Variants in ZNF618 observed in about 807,000 individuals in gnomAD.
ZNF618 encodes the protein neural precursor cell expressed, developmentally down-regulated 10.
Under a neutral mutation model 103.0 loss-of-function variants are expected in ZNF618, and 34 were observed. That is an observed-to-expected ratio of 0.33 (90% CI 0.25 to 0.44). The LOEUF is 0.44. Among genes scored for constraint, ZNF618 ranks in the 20% least tolerant of loss-of-function variants. The pLI, the probability that ZNF618 is intolerant of heterozygous loss-of-function variation, is 1.00. For synonymous variants in ZNF618, 551 were observed against 542.2 expected (o/e 1.02, Z -0.23); for missense variants, 1,059 against 1,295.4 (o/e 0.82, Z 2.80).
chr9:113,889,695 C>G (rs1829443776), intron 1 of ZNF618, among the ~76,000 whole-genome samples: 1 of 152,212 alleles, frequency 6.6e-6, no homozygotes, highest in African/African-American at 2.4e-5. Flanking sequence ...GTGTGCCCAT[C>G]AATCTGTCTG....
chr9:113,896,863 C>T (rs1327238943), intron 1 of ZNF618, among the ~76,000 whole-genome samples: 1 of 152,070 alleles, frequency 6.6e-6, no homozygotes, highest in African/African-American at 2.4e-5. Context: ...AAAATAGGCC[C>T]TCCTTGACCT....
intron 13 of ZNF618, among the ~76,000 whole-genome samples, chr9:114,044,350 G>T (rs997355006): frequency 2.0e-5 from 3 of 151,870 alleles, no homozygotes; most frequent in Non-Finnish European, 4.4e-5. Flanking sequence ...AGATCATTTG[G>T]CTGTATTTGG....
In ZNF618 at chr9:114,050,316, A is replaced by ATG. The variant is rs369672597; in HGVS notation, c.*160_*161dup. 7.6e-5 allele frequency: 70 copies of ATG among 919,140 alleles called. No individual in the cohort carries two copies. Among genetic ancestry groups the ATG allele is most frequent in the African/African-American group, 3.0e-4 (18 of 59,702 alleles). The allele number at this position is 919,140 out of a possible 1,614,324, so 56.9% of individuals were successfully genotyped here. A position where few individuals can be genotyped will look rare whatever the true frequency, so the allele number is the denominator to read the frequency against. ...CTGGAAACTTAAGTGCTTTTTTTAT[A>ATG]TGTGTGTGTGTGCGTGTATGTACAC... is the stretch of plus-strand genomic sequence containing the variant. On this transcript the variant is annotated 3_prime_UTR_variant, in exon 15 of 15. Transcript: ENST00000374126.
At chr9:113,904,337 A>G (rs1017762144) in intron 1 of ZNF618, among the ~76,000 whole-genome samples, 1 of 152,134 alleles carries the variant, frequency 6.6e-6, no homozygotes, top group Non-Finnish European at 1.5e-5. Flanking sequence ...CTTCCTGGAC[A>G]TATGGAGTAT....
rs1488977520 is a variant in ZNF618, at chr9:113,951,577, A to ACATGTGTG, written c.34-17540_34-17539insCATGTGTG. Among the ~76,000 whole-genome samples, 40 of 49,138 alleles carry ACATGTGTG rather than the reference A, an allele frequency of 8.1e-4. 2 individuals carry two copies. In the East Asian group the frequency reaches 0.026, roughly 32 times the overall value. The allele number at this position is 49,138 out of a possible 152,430, so 32.2% of individuals were successfully genotyped here. A position where few individuals can be genotyped will look rare whatever the true frequency, so the allele number is the denominator to read the frequency against. On this transcript the variant is annotated intron_variant, in intron 1 of 14. Coordinates refer to ENST00000374126, the MANE Select transcript of ZNF618 (RefSeq NM_001318042.2). ...TGTGTGTGTATATGTGTGTGTGTAT[A>ACATGTGTG]TGTGTGTGTGTGTGTGTGTGTATAT... is the stretch of plus-strand genomic sequence containing the variant.
chr9:114,006,864 G>A (rs1841798309), intron 6 of ZNF618, among the ~76,000 whole-genome samples: 1 of 152,170 alleles, frequency 6.6e-6, no homozygotes, highest in African/African-American at 2.4e-5. Context: ...CTCACTGGCT[G>A]TTCACCAGAG....
rs151125343 is a variant in ZNF618, at chr9:113,905,206, C to T, written c.33+28793C>T. Among the ~76,000 whole-genome samples, 15 of 152,260 alleles carry T rather than the reference C, an allele frequency of 9.9e-5. No homozygotes were observed. In the East Asian group the frequency reaches 2.7e-3, roughly 27 times the overall value. On this transcript the variant is annotated intron_variant, in intron 1 of 14. Coordinates refer to ENST00000374126, the MANE Select transcript of ZNF618 (RefSeq NM_001318042.2). The stretch of plus-strand genomic sequence containing the variant: ...GCCTCAGCCTCCTATTGGAGGCACA[C>T]GCCCTCACACCTGGCTAATTTTTTA...
At chr9:113,954,166 G>A (rs1836031889) in intron 1 of ZNF618, among the ~76,000 whole-genome samples, 1 of 152,148 alleles carries the variant, frequency 6.6e-6, no homozygotes, top group Non-Finnish European at 1.5e-5. Context: ...TGCCTCTGGA[G>A]TGTCCTTGAA....
chr9:113,951,515 G>GTGTGTGCACATATATGTGTATA (rs1564207712), intron 1 of ZNF618, among the ~76,000 whole-genome samples: 2 of 36,752 alleles, frequency 5.4e-5, no homozygotes, highest in African/African-American at 1.5e-4. Flanking sequence ...ATATATGTGT[G>GTGTGTGCACATATATGTGTATA]TATATGTACA....
intron 1 of ZNF618, among the ~76,000 whole-genome samples, chr9:113,916,695 G>A (rs960914657): frequency 2.0e-5 from 3 of 152,220 alleles, no homozygotes; most frequent in African/African-American, 7.2e-5. Context: ...CTCTCAGAAT[G>A]AGAACATGTC....
At chr9:113,990,885 C>T (rs148537579) in intron 3 of ZNF618, among the ~76,000 whole-genome samples, 1 of 152,276 alleles carries the variant, frequency 6.6e-6, no homozygotes, top group Non-Finnish European at 1.5e-5. Context: ...GACGTTTCTC[C>T]ATCAGTATTC....
rs1202109139 is a variant in ZNF618 at position 114,028,917 on chromosome 9, A to G, written c.1029A>G (p.Gln343=). ...TACACCGCACCCCTCCAGCCACCCAAACCCAGACGTTCCGCACTCCAAATT... is the reference window on the plus strand; with the variant it reads ...TACACCGCACCCCTCCAGCCACCCAGACCCAGACGTTCCGCACTCCAAATT... ...TLLHRTPPAT[Q]TQTFRTPNSG... is the part of the protein sequence containing the mutation. Residue 343 remains glutamine (Q), a synonymous_variant, in exon 11 of 15, where the codon CAA becomes CAG. Coordinates refer to ENST00000374126, the MANE Select transcript of ZNF618 (RefSeq NM_001318042.2). The G allele has an allele frequency of 1.3e-6, 2 of 1,550,494 alleles. No homozygotes were observed. Among genetic ancestry groups the G allele is most frequent in the Non-Finnish European group, 1.7e-6 (2 of 1,146,910 alleles).
At chr9:113,885,369 G>A (rs756728037) in intron 1 of ZNF618, among the ~76,000 whole-genome samples, 11 of 152,188 alleles carry the variant, frequency 7.2e-5, no homozygotes, top group Non-Finnish European at 1.0e-4. Flanking sequence ...GTAAACTCTT[G>A]ACATACATGT....
At chr9:114,034,623 G>C (rs1844420824) in intron 12 of ZNF618, among the ~76,000 whole-genome samples, 1 of 152,152 alleles carries the variant, frequency 6.6e-6, no homozygotes, top group Non-Finnish European at 1.5e-5. Flanking sequence ...GCTGCCCTAG[G>C]TCCCCCAGAT....
intron 1 of ZNF618, among the ~76,000 whole-genome samples, chr9:113,918,648 CATT>C (rs1832347155): frequency 6.6e-6 from 1 of 152,100 alleles, no homozygotes; most frequent in African/African-American, 2.4e-5. Context: ...CAATTACCAT[CATT>C]ATTTTTTTTT....
chr9:114,018,312 A>G (rs1042950512), intron 10 of ZNF618, among the ~76,000 whole-genome samples: 2 of 152,202 alleles, frequency 1.3e-5, no homozygotes, highest in African/African-American at 4.8e-5. Context: ...CTTGAACACC[A>G]TGGCCTGTGC....
Position 114,054,491 on chromosome 9 carries a change from A to G in ZNF618, c.*4324A>G, listed in dbSNP as rs926014637. On this transcript the variant is annotated 3_prime_UTR_variant, in exon 15 of 15. Coordinates refer to ENST00000374126, the MANE Select transcript of ZNF618 (RefSeq NM_001318042.2). ...GGGATGCATCTTAAGGAGGGCTCCT[A>G]ACAAGGCCGATGATTTAGACAGAAC... 2.0e-5 allele frequency: 3 copies of G among 152,442 alleles called. No individual in the cohort carries two copies. Among genetic ancestry groups the G allele is most frequent in the Non-Finnish European group, 2.9e-5 (2 of 68,060 alleles). 9.4% of individuals were successfully genotyped at this position (152,442 alleles called of 1,614,324 possible).
At position 114,048,764 on chromosome 9, in the gene ZNF618, A is replaced by G. The variant is rs996782100; in HGVS notation, c.1462A>G (p.Ser488Gly). Residue 488 changes from serine to glycine, a missense_variant, in exon 15 of 15, where the codon AGC becomes GGC. Ser to Gly is a moderately conservative substitution (Grantham distance 56). Transcript: ENST00000374126. ...CGACCTGGGTGCACTGAGCGTGGTC[A>G]GCGGGAAGGAGTTCCTGAAGTTGGC... ...CADLGALSVV[S>G]GKEFLKLAQT... 3.7e-6 allele frequency: 6 copies of G among 1,613,926 alleles called. No individual in the cohort carries two copies. In the African/African-American group the frequency reaches 5.3e-5, roughly 14 times the overall value.
At chr9:113,997,066 T>C (rs1477029289) in intron 3 of ZNF618, among the ~76,000 whole-genome samples, 3 of 150,374 alleles carry the variant, frequency 2.0e-5, no homozygotes, top group African/African-American at 7.3e-5. Flanking sequence ...CTTTCTTTTT[T>C]TTTTCTTCTT....
Sources: allele counts gnomAD v4.1 joint callset (sites outside exome capture counted in the v4.1 genomes callset), GRCh38; gene constraint gnomAD v4.1.1; transcripts MANE v1.5; gene names NCBI Gene and HGNC (gene_info 2026-07-23, HGNC 2026-07-21).